ZNF559: variants seen among roughly 807,000 people sequenced by gnomAD.
ZNF559 encodes putative protein product of Nbla00121.
Under a neutral mutation model 14.2 loss-of-function variants are expected in ZNF559, and 17 were observed. The observed-to-expected ratio is 1.20, with a 90% confidence interval of 0.82 to 1.80. ZNF559 has a LOEUF of 1.80. Among genes scored for constraint, ZNF559 ranks in the 40% most tolerant of loss-of-function variants. ZNF559 has a pLI of 0.00. For missense variants in ZNF559, 740 were observed against 629.7 expected (o/e 1.18, Z -1.88); for synonymous variants, 244 against 212.4 (o/e 1.15, Z -1.29).
chr19:9,335,680 A>G (rs935932852), intron 2 of ZNF559, among the ~76,000 whole-genome samples: 5 of 152,112 alleles, frequency 3.3e-5, no homozygotes, highest in African/African-American at 1.2e-4. Context: ...CACTACAGAC[A>G]CGTACCACCA....
At chr19:9,325,685 C>T (rs567552134) in intron 2 of ZNF559, among the ~76,000 whole-genome samples, 18 of 151,938 alleles carry the variant, frequency 1.2e-4, no homozygotes, top group Admixed American at 3.9e-4. Context: ...ACTCAGGAGC[C>T]TGAGGCAGGA....
intron 2 of ZNF559, among the ~76,000 whole-genome samples, chr19:9,331,942 T>G (rs1249432502): frequency 2.0e-5 from 3 of 152,360 alleles, no homozygotes; most frequent in Non-Finnish European, 2.9e-5. Context: ...TATTTTTGTG[T>G]CATTCTTTTA....
In ZNF559 at chr19:9,342,653, A is replaced by AGACT. The variant is rs775175433; in HGVS notation, c.1203_1206dup (p.His403AspfsTer9). The AGACT allele has an allele frequency of 1.3e-5, 21 of 1,613,972 alleles. No homozygotes were observed. The highest frequency in any genetic ancestry group is 1.7e-5 in the Non-Finnish European group (20 of 1,180,004). ...TCCTCTTCCTTTAAAAGTCACATGCAGACTCATCCTGGTGTAAAACCCTAT... is the reference window on the plus strand; with the variant it reads ...TCCTCTTCCTTTAAAAGTCACATGCAGACTGACTCATCCTGGTGTAAAACCCTAT... On this transcript the variant is annotated frameshift_variant, in exon 7 of 7. Transcript: ENST00000603380. LOFTEE classifies it low-confidence loss of function (END_TRUNC).
intron 1 of ZNF559, 34 bp from the exon 2 acceptor site, chr19:9,324,661 C>T (rs1198337335): frequency 1.8e-5 from 21 of 1,190,770 alleles, no homozygotes; most frequent in Non-Finnish European, 2.4e-5. Flanking sequence ...AAAAAAAAGT[C>T]TCCACATCCA....
chr19:9,327,559 G>A (rs2066686641), intron 2 of ZNF559, among the ~76,000 whole-genome samples: 1 of 152,120 alleles, frequency 6.6e-6, no homozygotes, highest in African/African-American at 2.4e-5. Context: ...TCACCCAGTG[G>A]CTTTTAACAT....
chr19:9,324,056 A>G, upstream of ZNF559: 1 of 1,183,672 alleles, frequency 8.4e-7, no homozygotes. Context: ...GGGGAGGTAA[A>G]CAGCATTTCC....
At chr19:9,335,515 A>AT (rs2067189207) in intron 2 of ZNF559, among the ~76,000 whole-genome samples, 1 of 152,172 alleles carries the variant, frequency 6.6e-6, no homozygotes, top group Non-Finnish European at 1.5e-5. Context: ...ACAATGTGTG[A>AT]TTCAGCATTT....
At position 9,340,567 on chromosome 19, in the gene ZNF559, T is replaced by TAA. The variant is rs34086147; in HGVS notation, c.161-512_161-511dup. Among the ~76,000 whole-genome samples the TAA allele has an allele frequency of 3.8e-3, 288 of 75,760 alleles. 1 individual carries two copies. The highest frequency in any genetic ancestry group is 5.7e-3 in the Non-Finnish European group (234 of 41,098). The allele number at this position is 75,760 out of a possible 152,430, so 49.7% of individuals were successfully genotyped here. A position where few individuals can be genotyped will look rare whatever the true frequency, so the allele number is the denominator to read the frequency against. On this transcript the variant is annotated intron_variant, in intron 5 of 6. Transcript: ENST00000603380. ...TTTCTTTTTTTTCTCTCTCTGTCTC[T>TAA]AAAAAAAAAAAAAAAAAAAAAAAAG... is the stretch of plus-strand genomic sequence containing the variant.
At chr19:9,324,857 C>A in intron 2 of ZNF559, 77 bp downstream of exon 2, 1 of 1,273,090 alleles carries the variant, frequency 7.9e-7, no homozygotes, top group African/African-American at 1.5e-5. Context: ...GGAAAGAAAC[C>A]TTTTCAGGTG....
chr19:9,330,279 CTATAATGTG>C (rs1334130112), intron 2 of ZNF559: 1 of 152,168 alleles, frequency 6.6e-6, no homozygotes, highest in Non-Finnish European at 1.5e-5. Context: ...GACAAGTTCA[CTATAATGTG>C]TATTAGTTTA....
intron 2 of ZNF559, 130 bp downstream of exon 2, chr19:9,324,910 G>T: frequency 2.7e-6 from 2 of 729,518 alleles, no homozygotes; most frequent in Middle Eastern, 2.6e-4. Flanking sequence ...GAATGCATGA[G>T]TGGATGAATG....
rs766333903 is a variant in ZNF559 at position 9,341,813 on chromosome 19, G to C, written c.362G>C (p.Cys121Ser). ...TACTTTAGAAAGAAAACCTGTGAGT[G>C]TAATCAATGTGAAAAAGCCTTCAGA... is the stretch of plus-strand genomic sequence containing the variant. ...RTYFRKKTCE[C>S]NQCEKAFRKP... The change falls in exon 7 of 7, where the codon TGT (cysteine) becomes TCT (serine). Residue 121 changes from cysteine to serine, a missense_variant. By Grantham distance (112) the Cys-to-Ser change is moderately radical. Transcript: ENST00000603380. 10 of 1,611,200 alleles carry C rather than the reference G, an allele frequency of 6.2e-6. No individual in the cohort carries two copies. The African/African-American group carries it at 1.3e-4, about 22-fold the overall frequency.
chr19:9,333,292 A>G (rs945474424), intron 2 of ZNF559, among the ~76,000 whole-genome samples: 5 of 152,230 alleles, frequency 3.3e-5, no homozygotes, highest in African/African-American at 4.8e-5. Context: ...TTGTAGAGTT[A>G]TGCATCCAGG....
In ZNF559 at chr19:9,342,368, T is replaced by C; in HGVS notation, c.917T>C (p.Phe306Ser). The change falls in exon 7 of 7, where the codon TTT (phenylalanine) becomes TCT (serine). Residue 306 changes from phenylalanine to serine, a missense_variant. By Grantham distance (155) the Phe-to-Ser change is radical. Coordinates refer to ENST00000603380, the MANE Select transcript of ZNF559 (RefSeq NM_032497.3). ...GTTTGTAATGAATGTGGCAAAGAAT[T>C]TACTTGTTTCTCAAAACTCAACATT... is the stretch of plus-strand genomic sequence containing the variant. ...HYVCNECGKE[F>S]TCFSKLNIHI... is the part of the protein sequence containing the mutation. The C allele has an allele frequency of 6.2e-7, 1 of 1,609,798 alleles. No homozygotes were observed. The highest frequency in any genetic ancestry group is 2.2e-5 in the East Asian group (1 of 44,814).
intron 2 of ZNF559, among the ~76,000 whole-genome samples, chr19:9,326,735 GA>G (rs2066627568): frequency 6.6e-6 from 1 of 152,070 alleles, no homozygotes; most frequent in Admixed American, 6.6e-5. Context: ...TTAAAACTGA[GA>G]CATTTCACAC....
chr19:9,332,142 T>C (rs1047362973), intron 2 of ZNF559, among the ~76,000 whole-genome samples: 3 of 152,292 alleles, frequency 2.0e-5, no homozygotes, highest in Admixed American at 2.0e-4. Flanking sequence ...AAAATTTTTC[T>C]TGGGCTTATT....
chr19:9,339,767 CTTTTTT>C (rs200842205), intron 5 of ZNF559, among the ~76,000 whole-genome samples: 72,703 of 134,372 alleles, frequency 0.54, 19,051 homozygotes, highest in Middle Eastern at 0.64. Context: ...ACATTCTTTA[CTTTTTT>C]TTTTTTTTTT....
At chr19:9,334,399 T>A (rs1313418112) in intron 2 of ZNF559, among the ~76,000 whole-genome samples, 1 of 152,232 alleles carries the variant, frequency 6.6e-6, no homozygotes, top group Non-Finnish European at 1.5e-5. Flanking sequence ...ATATTCAACC[T>A]GTATTATGGA....
chr19:9,327,867 A>G (rs773087204), intron 2 of ZNF559, among the ~76,000 whole-genome samples: 3 of 152,152 alleles, frequency 2.0e-5, no homozygotes, highest in Non-Finnish European at 2.9e-5. Context: ...GTCTTGTGAC[A>G]CAACTCTACT....
Sources: allele counts gnomAD v4.1 joint callset (sites outside exome capture counted in the v4.1 genomes callset), GRCh38; gene constraint gnomAD v4.1.1; transcripts MANE v1.5; gene names NCBI Gene and HGNC (gene_info 2026-07-23, HGNC 2026-07-21).